Variants in TSC22D2 observed in about 807,000 individuals in gnomAD.
The protein encoded by TSC22D2 is TSC22 domain family protein 2.
Under a neutral mutation model 50.1 loss-of-function variants are expected in TSC22D2, and 5 were observed. That is an observed-to-expected ratio of 0.10 (90% CI 0.05 to 0.21). TSC22D2 has a LOEUF of 0.21. TSC22D2 is among the 10% of genes least tolerant of loss of function. The pLI is 1.00. For synonymous variants in TSC22D2, 501 were observed against 450.1 expected (o/e 1.11, Z -1.43); for missense variants, 1,003 against 1,015.5 (o/e 0.99, Z 0.17).
In TSC22D2 at chr3:150,459,732, T is replaced by C. The variant is rs1203097773; in HGVS notation, c.*1096T>C. 6.6e-6 allele frequency: 1 copy of C among 152,052 alleles called. No homozygotes were observed. Among genetic ancestry groups the C allele is most frequent in the Admixed American group, 6.6e-5 (1 of 15,224 alleles). 9.4% of individuals were successfully genotyped at this position (152,052 alleles called of 1,614,324 possible). A position where few individuals can be genotyped will look rare whatever the true frequency, so the allele number is the denominator to read the frequency against. On this transcript the variant is annotated 3_prime_UTR_variant, in exon 3 of 3. Transcript: ENST00000688009. ...ACCTCATGTTTTTATCCAGCACTCT[T>C]ATTGTAATATGTACTAGTCTGTGAA...
chr3:150,428,314 A>T (rs568432234), intron 1 of TSC22D2, among the ~76,000 whole-genome samples: 1 of 152,178 alleles, frequency 6.6e-6, no homozygotes, highest in Non-Finnish European at 1.5e-5. Flanking sequence ...GTAGTTCTTA[A>T]GTGGGGGATG....
chr3:150,437,824 TAAATA>T (rs976236817), intron 1 of TSC22D2, among the ~76,000 whole-genome samples: 33 of 151,442 alleles, frequency 2.2e-4, no homozygotes, highest in African/African-American at 4.8e-4. Flanking sequence ...AATAAATAAA[TAAATA>T]AAATAAAATA....
chr3:150,410,267 T>C lies in TSC22D2; in HGVS notation c.917T>C (p.Met306Thr), dbSNP rs763678897. 3.5e-5 allele frequency: 55 copies of C among 1,557,054 alleles called. No homozygotes were observed. In the African/African-American group the frequency reaches 5.3e-4, roughly 15 times the overall value. Reference protein sequence around the residue: ...PGAATGPQPMMAAAQPSQPQG... With the variant: ...PGAATGPQPMTAAAQPSQPQG... The stretch of plus-strand genomic sequence containing the variant: ...GCCGCGACCGGGCCGCAGCCAATGA[T>C]GGCAGCCGCGCAGCCCAGCCAGCCC... Residue 306 changes from methionine to threonine, a missense_variant, in exon 1 of 3, where the codon ATG becomes ACG. Coordinates refer to ENST00000688009, the MANE Select transcript of TSC22D2 (RefSeq NM_001303264.2).
In TSC22D2 at chr3:150,410,321, T is replaced by C; in HGVS notation, c.971T>C (p.Leu324Pro). 6.3e-7 allele frequency: 1 copy of C among 1,577,548 alleles called. No individual in the cohort carries two copies. The highest frequency in any genetic ancestry group is 1.8e-5 in the Admixed American group (1 of 56,408). The change falls in exon 1 of 3, where the codon CTG (leucine) becomes CCG (proline). Residue 324 changes from leucine (L) to proline (P), a missense_variant. Physicochemically the swap from Leu to Pro is moderately conservative, Grantham distance 98. Coordinates refer to ENST00000688009, the MANE Select transcript of TSC22D2 (RefSeq NM_001303264.2). ...PQGAGPGGQT[L>P]PPTNVTLAQP... ...GGAGCGGGGCCCGGGGGACAGACTC[T>C]GCCGCCGACGAATGTAACCCTGGCG... is the stretch of plus-strand genomic sequence containing the variant.
chr3:150,436,641 C>G (rs969470822), intron 1 of TSC22D2, among the ~76,000 whole-genome samples: 1 of 152,156 alleles, frequency 6.6e-6, no homozygotes, highest in African/African-American at 2.4e-5. Context: ...CTTTAAACGA[C>G]CACTTATCCT....
intron 1 of TSC22D2, among the ~76,000 whole-genome samples, chr3:150,455,552 G>A (rs923110434): frequency 3.9e-5 from 6 of 152,212 alleles, no homozygotes; most frequent in African/African-American, 1.4e-4. Flanking sequence ...GAAGTGGAAA[G>A]TCCATTGAGG....
At chr3:150,418,305 A>T (rs1428680257) in intron 1 of TSC22D2, among the ~76,000 whole-genome samples, 1 of 151,870 alleles carries the variant, frequency 6.6e-6, no homozygotes, top group Non-Finnish European at 1.5e-5. Context: ...TTTGACATAC[A>T]TTGGAGGTGG....
In TSC22D2 at chr3:150,462,581, A is replaced by G. The variant is rs1483463784; in HGVS notation, c.*3945A>G. On this transcript the variant is annotated 3_prime_UTR_variant, in exon 3 of 3. Coordinates refer to ENST00000688009, the MANE Select transcript of TSC22D2 (RefSeq NM_001303264.2). Reference sequence around the variant, plus strand: ...TTTCTGTACCATTTTCCTCTCCACAATGAACATCCCATTCCCAGTGTCAGG... The same window carrying G: ...TTTCTGTACCATTTTCCTCTCCACAGTGAACATCCCATTCCCAGTGTCAGG... The G allele has an allele frequency of 6.6e-6, 1 of 151,570 alleles. No individual in the cohort carries two copies. Among genetic ancestry groups the G allele is most frequent in the African/African-American group, 2.4e-5 (1 of 41,212 alleles). The allele number at this position is 151,570 out of a possible 1,614,324, so 9.4% of individuals were successfully genotyped here.
At chr3:150,446,022 AGGTGGAGGTTGTGGTGAGCTGAGATTGT>A in intron 1 of TSC22D2, among the ~76,000 whole-genome samples, 1 of 141,704 alleles carries the variant, frequency 7.1e-6, no homozygotes. Context: ...TGAACCTGGG[AGGTGGAGGTTGTGGTGAGCTGAGATTGT>A]GCCACTGCAC....
intron 1 of TSC22D2, among the ~76,000 whole-genome samples, chr3:150,428,995 T>A (rs1006605451): frequency 9.9e-5 from 15 of 152,266 alleles, no homozygotes; most frequent in African/African-American, 3.6e-4. Context: ...TTTCCCCAAC[T>A]TTTCTAAATG....
At chr3:150,417,125 C>T (rs1719836873) in intron 1 of TSC22D2, among the ~76,000 whole-genome samples, 1 of 152,096 alleles carries the variant, frequency 6.6e-6, no homozygotes, top group African/African-American at 2.4e-5. Flanking sequence ...TTACTTAAAG[C>T]TTCTTTTCCC....
chr3:150,414,488 CTT>C (rs1719725548), intron 1 of TSC22D2, among the ~76,000 whole-genome samples: 3 of 152,138 alleles, frequency 2.0e-5, no homozygotes, highest in African/African-American at 7.2e-5. Context: ...TCCAGGAACT[CTT>C]ATGAATGGCT....
intron 1 of TSC22D2, among the ~76,000 whole-genome samples, chr3:150,452,400 G>A (rs1329943755): frequency 2.0e-5 from 3 of 152,002 alleles, no homozygotes; most frequent in South Asian, 2.1e-4. Context: ...AGCTGAGATC[G>A]CGCCATTTCA....
At chr3:150,447,289 A>G (rs1314458434) in intron 1 of TSC22D2, among the ~76,000 whole-genome samples, 6 of 152,200 alleles carry the variant, frequency 3.9e-5, no homozygotes, top group African/African-American at 1.2e-4. Context: ...ATCTTTTTCC[A>G]TGACTCTTTA....
chr3:150,408,771 C>G lies in TSC22D2; in HGVS notation c.-580C>G, dbSNP rs953536790. 1.3e-5 allele frequency: 2 copies of G among 153,264 alleles called. No individual in the cohort carries two copies. Among genetic ancestry groups the G allele is most frequent in the Admixed American group, 6.5e-5 (1 of 15,296 alleles). The allele number at this position is 153,264 out of a possible 1,614,324, so 9.5% of individuals were successfully genotyped here. On this transcript the variant is annotated 5_prime_UTR_variant, in exon 1 of 3. Transcript: ENST00000688009. Reference sequence around the variant, plus strand: ...CGCGGACCTTCAGCCAGCTCCGGCCCGCGGCTCCCGGCTGAATTAGGCATC... The same window carrying G: ...CGCGGACCTTCAGCCAGCTCCGGCCGGCGGCTCCCGGCTGAATTAGGCATC...
rs990350406 is a variant in TSC22D2 at position 150,408,992 on chromosome 3, A to G, written c.-359A>G. The stretch of plus-strand genomic sequence containing the variant: ...CGCCGAGCGCCGAGCTGGACTGACC[A>G]CGGCTGCCCGGAGACGAGAGAGGAA... On this transcript the variant is annotated 5_prime_UTR_variant, in exon 1 of 3. Transcript: ENST00000688009. 1.0e-5 allele frequency: 2 copies of G among 200,928 alleles called. No individual in the cohort carries two copies. The highest frequency in any genetic ancestry group is 2.4e-4 in the East Asian group (2 of 8,360). 12.4% of individuals were successfully genotyped at this position (200,928 alleles called of 1,614,324 possible). A position where few individuals can be genotyped will look rare whatever the true frequency, so the allele number is the denominator to read the frequency against.
In TSC22D2 at chr3:150,409,272, G is replaced by C. The variant is rs1292908293; in HGVS notation, c.-79G>C. On this transcript the variant is annotated 5_prime_UTR_variant, in exon 1 of 3. Transcript: ENST00000688009. The surrounding 1 kb of genome is among the most constrained non-coding windows in gnomAD (Gnocchi z 7.4). ...GCAGACTCGGACTTTGTCTTTGGGG[G>C]CCCGTGCTCTGCCCTCCCCGGTTTC... 1.4e-6 allele frequency: 2 copies of C among 1,470,720 alleles called. No homozygotes were observed. Among genetic ancestry groups the C allele is most frequent in the East Asian group, 2.3e-5 (1 of 43,276 alleles). 91.1% of individuals were successfully genotyped at this position (1,470,720 alleles called of 1,614,324 possible).
At chr3:150,427,027 C>A (rs1479572575) in intron 1 of TSC22D2, among the ~76,000 whole-genome samples, 1 of 151,978 alleles carries the variant, frequency 6.6e-6, no homozygotes, top group Non-Finnish European at 1.5e-5. Context: ...CTGTTTATGT[C>A]ATAAATACCA....
In TSC22D2 at chr3:150,458,944, T is replaced by C. The variant is rs1435423602; in HGVS notation, c.*308T>C. The C allele has an allele frequency of 1.6e-5, 4 of 253,890 alleles. No individual in the cohort carries two copies. The highest frequency in any genetic ancestry group is 3.0e-5 in the Non-Finnish European group (4 of 132,974). 15.7% of individuals were successfully genotyped at this position (253,890 alleles called of 1,614,324 possible). ...TTTAAGAGTTTTGGTGGCTCTCCCA[T>C]GTTTCCTATTACCCATGGATTTACC... On this transcript the variant is annotated 3_prime_UTR_variant, in exon 3 of 3. Coordinates refer to ENST00000688009, the MANE Select transcript of TSC22D2 (RefSeq NM_001303264.2).
Sources: gnomAD v4.1 joint callset for allele counts (sites outside exome capture counted in the v4.1 genomes callset) on GRCh38, gnomAD v4.1.1 for gene constraint, Gnocchi (gnomAD v3.1) non-coding constraint, MANE v1.5 for transcripts, NCBI Gene and HGNC (gene_info 2026-07-23, HGNC 2026-07-21) for gene names.